Variants in SH3PXD2B observed in about 807,000 individuals in gnomAD.
SH3PXD2B encodes the protein SH3 and PX domains 2B, also known as SH3 and PX domain-containing protein 2B.
SH3PXD2B carries 37 observed loss-of-function variants against 73.1 expected under a neutral mutation model. The observed-to-expected ratio is 0.51, with a 90% CI of 0.39 to 0.67. The LOEUF is 0.67. SH3PXD2B is among the 30% of genes least tolerant of loss of function. The pLI, the probability that SH3PXD2B is intolerant of heterozygous loss-of-function variation, is 0.00. For synonymous variants in SH3PXD2B, 457 were observed against 480.5 expected, an observed-to-expected ratio of 0.95 and a Z score of 0.64; for missense variants, 1,053 against 1,197.8, an observed-to-expected ratio of 0.88 and a Z score of 1.78.
chr5:172,444,950 C>A (rs1225999157), intron 1 of SH3PXD2B, among the ~76,000 whole-genome samples: 1 of 152,194 alleles, frequency 6.6e-6, no homozygotes, highest in African/African-American at 2.4e-5. Context: ...GTCCTTCTGG[C>A]CCCTCTACCC....
intron 6 of SH3PXD2B, among the ~76,000 whole-genome samples, chr5:172,368,748 TATATATATTTAATATATAATATAC>T (rs1200338009): frequency 3.0e-5 from 3 of 100,610 alleles, no homozygotes; most frequent in African/African-American, 4.4e-5. Flanking sequence ...ATATGTAATA[TATATATATTTAATATATAATATAC>T]ATATATATTT....
intron 1 of SH3PXD2B, among the ~76,000 whole-genome samples, chr5:172,440,379 C>A (rs1234203786): frequency 6.6e-6 from 1 of 152,222 alleles, no homozygotes; most frequent in Non-Finnish European, 1.5e-5. Context: ...TTTGGCCCTG[C>A]CTCGATGGGG....
intron 1 of SH3PXD2B, among the ~76,000 whole-genome samples, chr5:172,426,628 C>T (rs1759102064): frequency 6.6e-6 from 1 of 152,170 alleles, no homozygotes; most frequent in Non-Finnish European, 1.5e-5. Context: ...CCTCCCAGGC[C>T]CAGCCAACCA....
intron 1 of SH3PXD2B, among the ~76,000 whole-genome samples, chr5:172,440,212 T>C (rs561976105): frequency 1.6e-4 from 25 of 152,344 alleles, no homozygotes; most frequent in Admixed American, 1.6e-3. Context: ...GAGCACCCAC[T>C]ACGCGCAAGG....
intron 1 of SH3PXD2B, among the ~76,000 whole-genome samples, chr5:172,429,814 C>G (rs1034809566): frequency 6.6e-6 from 1 of 152,184 alleles, no homozygotes; most frequent in Non-Finnish European, 1.5e-5. Context: ...AGCAGGGACT[C>G]TAACCTAGGT....
At position 172,339,017 on chromosome 5, in the gene SH3PXD2B, G is replaced by A. The variant is rs958653561; in HGVS notation, c.2088C>T (p.Phe696=). The change falls in exon 13 of 13, where the codon TTC becomes TTT. Residue 696 remains phenylalanine (F), a synonymous_variant. Coordinates refer to ENST00000311601, the MANE Select transcript of SH3PXD2B (RefSeq NM_001017995.3). This position sits in a 1 kb window ranked among gnomAD's most constrained non-coding sequence, Gnocchi z 6.1. The stretch of plus-strand genomic sequence containing the variant: ...CCTCTCCTGGGAGGAAGCTTCGGCT[G>A]AAGGCCACGTCTTGGCCCCCTACTG... ...PQAVGGQDVA[F]SRSFLPGEGP... 1 of 1,614,094 alleles carries A rather than the reference G, an allele frequency of 6.2e-7. No homozygotes were observed. The highest frequency in any genetic ancestry group is 8.5e-7 in the Non-Finnish European group (1 of 1,179,904).
At chr5:172,375,136 G>T (rs924130352) in intron 5 of SH3PXD2B, among the ~76,000 whole-genome samples, 1 of 152,204 alleles carries the variant, frequency 6.6e-6, no homozygotes, top group Non-Finnish European at 1.5e-5. Flanking sequence ...GGGGCAGGCA[G>T]ATCACCTGAG....
At position 172,336,325 on chromosome 5, in the gene SH3PXD2B, C is replaced by T; in HGVS notation, c.*2044G>A. On this transcript the variant is annotated 3_prime_UTR_variant, in exon 13 of 13. Transcript: ENST00000311601. ...GGGCCTCCTCTCAAGGGAGGGGACC[C>T]TCAAGCGGTGGCGGCCCTTCCCCAC... 1.0e-6 allele frequency: 1 copy of T among 985,618 alleles called. No individual in the cohort carries two copies. The highest frequency in any genetic ancestry group is 1.2e-6 in the Non-Finnish European group (1 of 829,994). 61.1% of individuals were successfully genotyped at this position (985,618 alleles called of 1,614,324 possible).
chr5:172,334,919 C>A lies in SH3PXD2B; in HGVS notation c.*3450G>T. 1.0e-6 allele frequency: 1 copy of A among 985,406 alleles called. No individual in the cohort carries two copies. Among genetic ancestry groups the A allele is most frequent in the Non-Finnish European group, 1.2e-6 (1 of 829,948 alleles). The allele number at this position is 985,406 out of a possible 1,614,324, so 61.0% of individuals were successfully genotyped here. A position where few individuals can be genotyped will look rare whatever the true frequency, so the allele number is the denominator to read the frequency against. On this transcript the variant is annotated 3_prime_UTR_variant, in exon 13 of 13. Transcript: ENST00000311601. ...AAGAACATTGACTTGGAAATTGATTCTATGGCGTGGCCTTGTGGCAGAGGT... is the reference window on the plus strand; with the variant it reads ...AAGAACATTGACTTGGAAATTGATTATATGGCGTGGCCTTGTGGCAGAGGT...
intron 10 of SH3PXD2B, among the ~76,000 whole-genome samples, chr5:172,348,683 CTATCTATCTATCTATCTATCTATCTATT>C (rs1226798043): frequency 0.038 from 1,635 of 43,146 alleles, 27 homozygotes; most frequent in African/African-American, 0.072. Context: ...ATCTATCTAT[CTATCTATCTATCTATCTATCTATCTATT>C]TATTTATTTT....
chr5:172,391,981 T>G (rs902169737), intron 4 of SH3PXD2B, among the ~76,000 whole-genome samples: 3 of 152,300 alleles, frequency 2.0e-5, no homozygotes, highest in Middle Eastern at 3.4e-3. Flanking sequence ...CACTTTGAGT[T>G]GATTTTCATG....
chr5:172,416,937 G>A (rs1158897239), intron 2 of SH3PXD2B, among the ~76,000 whole-genome samples: 1 of 151,828 alleles, frequency 6.6e-6, no homozygotes, highest in African/African-American at 2.4e-5. Flanking sequence ...TTGAATTTCT[G>A]GGCTTAAGTG....
chr5:172,388,872 G>A (rs1190990114), intron 4 of SH3PXD2B, among the ~76,000 whole-genome samples: 4 of 152,158 alleles, frequency 2.6e-5, no homozygotes, highest in African/African-American at 9.7e-5. Flanking sequence ...CTAGAGGTTT[G>A]GAAAGTGACA....
intron 2 of SH3PXD2B, among the ~76,000 whole-genome samples, chr5:172,416,622 G>A (rs1339610345): frequency 1.6e-4 from 22 of 138,624 alleles, no homozygotes; most frequent in Admixed American, 1.3e-3. Context: ...CACTGCGCCC[G>A]GCCTCTACTT....
chr5:172,417,840 T>G (rs894886752), intron 2 of SH3PXD2B, among the ~76,000 whole-genome samples: 1 of 152,220 alleles, frequency 6.6e-6, no homozygotes, highest in African/African-American at 2.4e-5. Flanking sequence ...GAGTGTTCAA[T>G]GTAGTGGCTT....
intron 3 of SH3PXD2B, among the ~76,000 whole-genome samples, chr5:172,400,099 T>A (rs1175219358): frequency 6.6e-6 from 1 of 152,172 alleles, no homozygotes. Flanking sequence ...TCCAGAGAGA[T>A]CAGCTACAGA....
intron 2 of SH3PXD2B, among the ~76,000 whole-genome samples, chr5:172,412,084 A>G (rs1229107189): frequency 6.6e-6 from 1 of 152,166 alleles, no homozygotes; most frequent in Non-Finnish European, 1.5e-5. Context: ...TGGGACTGGC[A>G]TATTTCACTT....
chr5:172,337,073 T>A lies in SH3PXD2B; in HGVS notation c.*1296A>T, dbSNP rs948178136. 8.2e-6 allele frequency: 8 copies of A among 972,738 alleles called. No homozygotes were observed. The highest frequency in any genetic ancestry group is 1.9e-5 in the African/African-American group (1 of 52,164). 60.3% of individuals were successfully genotyped at this position (972,738 alleles called of 1,614,324 possible). On this transcript the variant is annotated 3_prime_UTR_variant, in exon 13 of 13. Coordinates refer to ENST00000311601, the MANE Select transcript of SH3PXD2B (RefSeq NM_001017995.3). ...GCTCCCGTTGCTCCATAAGCTCTAT[T>A]CCCCAGGGGGCAACAGCTTAGAAGA...
At position 172,454,382 on chromosome 5, in the gene SH3PXD2B, C is replaced by A. The variant is rs1368499480; in HGVS notation, c.-30G>T. Reference sequence around the variant, plus strand: ...GCTCCTCCGCCCGCAGCGGGCCGAGCGCGGGTGCGGGTGGCGCGGGGTGCA... The same window carrying A: ...GCTCCTCCGCCCGCAGCGGGCCGAGAGCGGGTGCGGGTGGCGCGGGGTGCA... On this transcript the variant is annotated 5_prime_UTR_variant, in exon 1 of 13. Transcript: ENST00000311601. The A allele has an allele frequency of 1.4e-6, 2 of 1,388,990 alleles. No individual in the cohort carries two copies. Among genetic ancestry groups the A allele is most frequent in the Non-Finnish European group, 1.9e-6 (2 of 1,069,828 alleles). 86.0% of individuals were successfully genotyped at this position (1,388,990 alleles called of 1,614,324 possible).
Sources: allele counts gnomAD v4.1 joint callset (sites outside exome capture counted in the v4.1 genomes callset), GRCh38; gene constraint gnomAD v4.1.1; non-coding constraint Gnocchi (gnomAD v3.1); transcripts MANE v1.5; gene names NCBI Gene and HGNC (gene_info 2026-07-23, HGNC 2026-07-21).